FAM210A: variants seen among roughly 807,000 people sequenced by gnomAD.
The protein encoded by FAM210A is mitochondrial inner membrane scaffold 1.
In FAM210A, 13 loss-of-function variants were observed where a neutral mutation model predicts 25.3. The observed-to-expected ratio is 0.51, with a 90% CI of 0.33 to 0.82. FAM210A has a LOEUF of 0.82. FAM210A is among the 40% of genes least tolerant of loss of function. The probability of loss-of-function intolerance (pLI) is 0.02; values close to 1 mark genes in which losing one functional copy is unlikely to be tolerated. For synonymous variants in FAM210A, 125 were observed against 118.7 expected, an observed-to-expected ratio of 1.05 and a Z score of -0.35; for missense variants, 319 against 323.2, an observed-to-expected ratio of 0.99 and a Z score of 0.10.
intron 1 of FAM210A, 33 bp from the exon 2 acceptor site, chr18:13,682,138 A>G: frequency 7.3e-7 from 1 of 1,376,636 alleles, no homozygotes; most frequent in Non-Finnish European, 9.9e-7. Context: ...AAATTAGGTA[A>G]TACTTAGGTT....
At chr18:13,671,476 G>A (rs560471509) in intron 3 of FAM210A, among the ~76,000 whole-genome samples, 7 of 152,162 alleles carry the variant, frequency 4.6e-5, no homozygotes, top group East Asian at 1.9e-4. Context: ...ACAATTATTT[G>A]ACCACAGGAA....
intron 1 of FAM210A, among the ~76,000 whole-genome samples, chr18:13,717,501 A>G (rs909536966): frequency 6.6e-6 from 1 of 152,214 alleles, no homozygotes; most frequent in Non-Finnish European, 1.5e-5. Flanking sequence ...GGTTTGCAGA[A>G]TTACTCGAAT....
At chr18:13,704,317 T>C (rs1023332224) in intron 1 of FAM210A, among the ~76,000 whole-genome samples, 1 of 152,184 alleles carries the variant, frequency 6.6e-6, no homozygotes, top group African/African-American at 2.4e-5. Context: ...TAAAAACTAA[T>C]CTTGCAAAAA....
intron 1 of FAM210A, among the ~76,000 whole-genome samples, chr18:13,696,158 T>C (rs1001841646): frequency 3.9e-5 from 6 of 152,352 alleles, no homozygotes; most frequent in South Asian, 4.1e-4. Flanking sequence ...TTTGTCAGTA[T>C]GATCTACAGA....
intron 3 of FAM210A, among the ~76,000 whole-genome samples, chr18:13,667,360 C>T (rs576388673): frequency 6.6e-6 from 1 of 152,314 alleles, no homozygotes; most frequent in Non-Finnish European, 1.5e-5. Context: ...AGGACCAATA[C>T]TAAATAGCAG....
intron 1 of FAM210A, among the ~76,000 whole-genome samples, chr18:13,686,949 T>C (rs1168258069): frequency 1.3e-5 from 2 of 152,108 alleles, no homozygotes; most frequent in Non-Finnish European, 2.9e-5. Context: ...CAGCTACATA[T>C]AATCCAAGAA....
chr18:13,677,446 G>T (rs117231905), intron 2 of FAM210A, among the ~76,000 whole-genome samples: 2,581 of 152,282 alleles, frequency 0.017, 29 homozygotes, highest in Middle Eastern at 0.061. Context: ...AGTAAGCAGG[G>T]GGTACGTGAC....
At chr18:13,700,726 T>C (rs1025751799) in intron 1 of FAM210A, among the ~76,000 whole-genome samples, 3 of 152,220 alleles carry the variant, frequency 2.0e-5, no homozygotes, top group Non-Finnish European at 1.5e-5. Context: ...CATACTTCTA[T>C]ATTTGAGTCC....
chr18:13,684,849 C>T, intron 1 of FAM210A, among the ~76,000 whole-genome samples: 1 of 151,928 alleles, frequency 6.6e-6, no homozygotes, highest in Non-Finnish European at 1.5e-5. Context: ...GAAAATCATG[C>T]AAAGTTATGT....
At chr18:13,720,545 A>G (rs1380539742) in intron 1 of FAM210A, among the ~76,000 whole-genome samples, 1 of 152,132 alleles carries the variant, frequency 6.6e-6, no homozygotes, top group Non-Finnish European at 1.5e-5. Context: ...GCCCCTGAAT[A>G]TTTGTTGGAT....
At chr18:13,687,874 T>G (rs1484724567) in intron 1 of FAM210A, 1 of 152,218 alleles carries the variant, frequency 6.6e-6, no homozygotes, top group African/African-American at 2.4e-5. Flanking sequence ...ATCAGTCAAA[T>G]TCTTTCTTCT....
intron 1 of FAM210A, among the ~76,000 whole-genome samples, chr18:13,712,264 A>G (rs2043827684): frequency 6.6e-6 from 1 of 152,224 alleles, no homozygotes. Flanking sequence ...GCTTGTCTTC[A>G]TAGACCTAAC....
At chr18:13,688,269 C>A (rs1380282506) in intron 1 of FAM210A, among the ~76,000 whole-genome samples, 1 of 152,196 alleles carries the variant, frequency 6.6e-6, no homozygotes, top group African/African-American at 2.4e-5. Flanking sequence ...CCAATTGGTT[C>A]TTTCTGAATG....
At chr18:13,706,839 T>C (rs1329526551) in intron 1 of FAM210A, among the ~76,000 whole-genome samples, 2 of 152,212 alleles carry the variant, frequency 1.3e-5, no homozygotes, top group Non-Finnish European at 2.9e-5. Context: ...ATTATAAAAA[T>C]TCCGTTGTAG....
Position 13,704,637 on chromosome 18 carries a change from A to T in FAM210A, c.-29+21692T>A, listed in dbSNP as rs115674637. ...AGAGGGCCCCTGAAGCATCCAAAAG[A>T]GAGGTAAGCACAGGATTATTTGACA... On this transcript the variant is annotated intron_variant, in intron 1 of 3. Transcript: ENST00000651643. 7.9e-3 allele frequency among the ~76,000 whole-genome samples: 1,198 copies of T among 152,296 alleles called. 19 individuals carry two copies. Among genetic ancestry groups the T allele is most frequent in the African/African-American group, 0.028 (1,156 of 41,566 alleles).
Position 13,674,967 on chromosome 18 carries a change from C to A in FAM210A, c.474-2994G>T, listed in dbSNP as rs1443193662. Among the ~76,000 whole-genome samples the A allele has an allele frequency of 2.8e-5, 4 of 144,026 alleles. No homozygotes were observed. The East Asian group carries it at 8.8e-4, about 32-fold the overall frequency. 94.5% of individuals were successfully genotyped at this position (144,026 alleles called of 152,430 possible). ...TTATTTCCAGTTTCCTGATTATTAACATTCCTGAGCCCTGGCTTCTTTATT... is the reference window on the plus strand; with the variant it reads ...TTATTTCCAGTTTCCTGATTATTAAAATTCCTGAGCCCTGGCTTCTTTATT... On this transcript the variant is annotated intron_variant, in intron 2 of 3. Transcript: ENST00000651643.
intron 1 of FAM210A, among the ~76,000 whole-genome samples, chr18:13,718,494 A>G (rs1279089439): frequency 6.6e-6 from 1 of 152,088 alleles, no homozygotes; most frequent in East Asian, 1.9e-4. Context: ...ATAGTTCATA[A>G]CTTGTTCCTG....
chr18:13,723,463 A>T (rs765107626), intron 1 of FAM210A, among the ~76,000 whole-genome samples: 1 of 152,216 alleles, frequency 6.6e-6, no homozygotes, highest in Non-Finnish European at 1.5e-5. Flanking sequence ...ACTGTAGGGG[A>T]TAGCAACTTC....
chr18:13,673,709 GATT>G (rs1384225868), intron 2 of FAM210A, among the ~76,000 whole-genome samples: 3 of 139,922 alleles, frequency 2.1e-5, no homozygotes, highest in African/African-American at 8.1e-5. Flanking sequence ...CCAGTTTCCT[GATT>G]ATTAACATTC....
Sources: gnomAD v4.1 joint callset for allele counts (sites outside exome capture counted in the v4.1 genomes callset) on GRCh38, gnomAD v4.1.1 for gene constraint, MANE v1.5 for transcripts, NCBI Gene and HGNC (gene_info 2026-07-23, HGNC 2026-07-21) for gene names.